LRRC4C: variants seen among roughly 807,000 people sequenced by gnomAD.
The protein encoded by LRRC4C is leucine-rich repeat-containing protein 4C.
LRRC4C carries 5 observed loss-of-function variants against 33.6 expected under a neutral mutation model. The observed-to-expected ratio is 0.15, with a 90% CI of 0.08 to 0.31. The LOEUF (loss-of-function observed/expected upper bound fraction) is 0.31. Ranked by LOEUF, LRRC4C falls within the 10% of genes least tolerant of loss-of-function variation. LRRC4C has a pLI of 1.00. For missense variants in LRRC4C, 560 were observed against 796.7 expected (o/e 0.70, Z 3.58); for synonymous variants, 329 against 302.0 (o/e 1.09, Z -0.93).
At chr11:40,921,008 T>G (rs2136358454) in intron 2 of LRRC4C, among the ~76,000 whole-genome samples, 1 of 151,632 alleles carries the variant, frequency 6.6e-6, no homozygotes, top group South Asian at 2.1e-4. Flanking sequence ...GCAGCGTCAG[T>G]TTCCTGGGCT....
chr11:40,991,270 T>G (rs1048176569), intron 1 of LRRC4C, among the ~76,000 whole-genome samples: 6 of 151,490 alleles, frequency 4.0e-5, no homozygotes, highest in Non-Finnish European at 7.4e-5. Flanking sequence ...TTTTTAATAC[T>G]GTATAATAAA....
At chr11:40,482,874 C>T (rs536786874) in intron 3 of LRRC4C, among the ~76,000 whole-genome samples, 10 of 152,102 alleles carry the variant, frequency 6.6e-5, no homozygotes, top group Non-Finnish European at 1.2e-4. Flanking sequence ...TATCTCAGTC[C>T]TAATAGAATA....
chr11:41,348,674 G>A (rs1265703123), intron 1 of LRRC4C, among the ~76,000 whole-genome samples: 2 of 152,012 alleles, frequency 1.3e-5, no homozygotes, highest in African/African-American at 4.8e-5. Flanking sequence ...ATGGAGGGAG[G>A]AGGCAGAGCC....
intron 2 of LRRC4C, among the ~76,000 whole-genome samples, chr11:40,851,919 T>C (rs1198318134): frequency 6.6e-6 from 1 of 152,192 alleles, no homozygotes; most frequent in African/African-American, 2.4e-5. Flanking sequence ...TTTTAATCAG[T>C]ATTTTCTGTT....
intron 3 of LRRC4C, among the ~76,000 whole-genome samples, chr11:40,473,233 A>G (rs1482908835): frequency 6.6e-6 from 1 of 152,238 alleles, no homozygotes; most frequent in Non-Finnish European, 1.5e-5. Context: ...ATGCAGCAGC[A>G]CATCAAAAAG....
At chr11:41,086,865 T>C (rs1940030886) in intron 1 of LRRC4C, among the ~76,000 whole-genome samples, 1 of 151,794 alleles carries the variant, frequency 6.6e-6, no homozygotes, top group African/African-American at 2.4e-5. Context: ...GATTAATAAG[T>C]CTGCAGGGAA....
rs1488998213 is a variant in LRRC4C, at chr11:41,047,795, AG to A, written c.-495-114073del. 2.0e-5 allele frequency among the ~76,000 whole-genome samples: 3 copies of A among 152,120 alleles called. No homozygotes were observed. The South Asian group carries it at 6.2e-4, about 32-fold the overall frequency. On this transcript the variant is annotated intron_variant, in intron 1 of 6. Coordinates refer to ENST00000528697, the MANE Select transcript of LRRC4C (RefSeq NM_001258419.2). ...TCTCCTTGAAGTCTTTTATGTTCCA[AG>A]AAAAATAAAATTTCCCCATACTTCC... is the stretch of plus-strand genomic sequence containing the variant.
intron 1 of LRRC4C, among the ~76,000 whole-genome samples, chr11:41,397,280 T>A (rs963115136): frequency 6.6e-6 from 1 of 151,862 alleles, no homozygotes; most frequent in African/African-American, 2.4e-5. Flanking sequence ...CTCCTACACC[T>A]CTTTTGCCCT....
chr11:40,337,227 T>TA (rs1189750400), intron 3 of LRRC4C, among the ~76,000 whole-genome samples: 1 of 152,076 alleles, frequency 6.6e-6, no homozygotes, highest in Non-Finnish European at 1.5e-5. Flanking sequence ...TGGAACTGAG[T>TA]AAAAAATGTG....
chr11:40,702,102 TA>T (rs1945889837), intron 2 of LRRC4C, among the ~76,000 whole-genome samples: 1 of 152,084 alleles, frequency 6.6e-6, no homozygotes, highest in African/African-American at 2.4e-5. Flanking sequence ...TTACTATTAT[TA>T]AAAGGTTTCA....
intron 2 of LRRC4C, among the ~76,000 whole-genome samples, chr11:40,896,681 T>G (rs1248716919): frequency 6.6e-6 from 1 of 151,892 alleles, no homozygotes; most frequent in Non-Finnish European, 1.5e-5. Context: ...ATATAATATA[T>G]GCTATATATG....
intron 2 of LRRC4C, among the ~76,000 whole-genome samples, chr11:40,831,876 C>T (rs534158853): frequency 6.6e-6 from 1 of 152,190 alleles, no homozygotes; most frequent in Non-Finnish European, 1.5e-5. Context: ...TCCCATGACA[C>T]ATGGGGATTA....
At chr11:41,075,814 G>A (rs1051414545) in intron 1 of LRRC4C, among the ~76,000 whole-genome samples, 1 of 152,120 alleles carries the variant, frequency 6.6e-6, no homozygotes, top group African/African-American at 2.4e-5. Flanking sequence ...CAACTGCGCT[G>A]TTGTCAAAGC....
intron 1 of LRRC4C, among the ~76,000 whole-genome samples, chr11:41,215,178 T>C (rs1470110101): frequency 6.6e-6 from 1 of 151,362 alleles, no homozygotes; most frequent in African/African-American, 2.4e-5. Flanking sequence ...GAACATACTA[T>C]CAATTGAAAA....
intron 1 of LRRC4C, among the ~76,000 whole-genome samples, chr11:41,144,243 G>T (rs1052423771): frequency 6.6e-6 from 1 of 152,126 alleles, no homozygotes; most frequent in African/African-American, 2.4e-5. Flanking sequence ...TGCAGGCAAG[G>T]GTATAGAGTG....
intron 1 of LRRC4C, among the ~76,000 whole-genome samples, chr11:41,104,788 C>A (rs1454552664): frequency 6.6e-6 from 1 of 151,888 alleles, no homozygotes; most frequent in Admixed American, 6.6e-5. Context: ...GAATAAAGTA[C>A]TGATTTCTGT....
At chr11:41,401,015 C>T (rs75783508) in intron 1 of LRRC4C, among the ~76,000 whole-genome samples, 4,353 of 151,798 alleles carry the variant, frequency 0.029, 235 homozygotes, top group African/African-American at 0.099. Flanking sequence ...GACTACTGAG[C>T]ACTATTTTGG....
intron 1 of LRRC4C, among the ~76,000 whole-genome samples, chr11:41,149,581 G>A (rs1943898202): frequency 6.6e-6 from 1 of 151,860 alleles, no homozygotes; most frequent in Non-Finnish European, 1.5e-5. Flanking sequence ...ATTGGGAAAG[G>A]CAAAACTGGC....
chr11:40,370,763 T>C (rs1034071559), intron 3 of LRRC4C, among the ~76,000 whole-genome samples: 3 of 152,226 alleles, frequency 2.0e-5, no homozygotes, highest in Admixed American at 6.5e-5. Context: ...AACGAAGCTA[T>C]GTACTGCTCA....
Sources: allele counts gnomAD v4.1 joint callset (sites outside exome capture counted in the v4.1 genomes callset), GRCh38; gene constraint gnomAD v4.1.1; transcripts MANE v1.5; gene names NCBI Gene and HGNC (gene_info 2026-07-23, HGNC 2026-07-21).